Variants in CLDN16 observed in about 807,000 individuals in gnomAD.
CLDN16 encodes claudin-16.
In CLDN16, 13 loss-of-function variants were observed where a neutral mutation model predicts 24.6. That is an observed-to-expected ratio of 0.53 (90% confidence interval 0.34 to 0.84). CLDN16 has a LOEUF of 0.84. Ranked by LOEUF, CLDN16 falls within the 40% of genes least tolerant of loss-of-function variation. The probability of loss-of-function intolerance (pLI) is 0.01; values close to 1 mark genes in which losing one functional copy is unlikely to be tolerated. For missense variants in CLDN16, 298 were observed against 292.7 expected (o/e 1.02, Z -0.13); for synonymous variants, 116 against 106.7 (o/e 1.09, Z -0.54).
intron 1 of CLDN16, 35 bp downstream of exon 1, chr3:190,388,478 C>A (rs756139771): frequency 3.1e-6 from 5 of 1,598,984 alleles, no homozygotes. Flanking sequence ...ATGATCCAGG[C>A]CAGCCCAAAT....
chr3:190,379,173 A>G (rs1718306444), intron 3 of CLDN16, among the ~76,000 whole-genome samples: 1 of 152,048 alleles, frequency 6.6e-6, no homozygotes, highest in South Asian at 2.1e-4. Flanking sequence ...CTTCATTTCA[A>G]TACAATATAA....
chr3:190,331,445 A>G (rs1215074092), intron 1 of CLDN16, among the ~76,000 whole-genome samples: 1 of 152,166 alleles, frequency 6.6e-6, no homozygotes, highest in Non-Finnish European at 1.5e-5. Context: ...ATTTAGTTAT[A>G]ATCTAGGCCC....
intron 1 of CLDN16, among the ~76,000 whole-genome samples, chr3:190,336,404 C>T (rs1304655790): frequency 6.6e-6 from 1 of 152,200 alleles, no homozygotes; most frequent in Non-Finnish European, 1.5e-5. Flanking sequence ...CTGGTGCATA[C>T]TCGAACATCC....
At chr3:190,306,194 TC>T in the CLDN16 span, 1 of 152,204 alleles carries the variant, frequency 6.6e-6, no homozygotes, top group Non-Finnish European at 1.5e-5. Context: ...TTCAAAAATC[TC>T]CCTTGCTGTT....
chr3:190,385,162 T>C (rs1337574728), upstream of CLDN16, among the ~76,000 whole-genome samples: 4 of 152,290 alleles, frequency 2.6e-5, no homozygotes, highest in African/African-American at 9.6e-5. Context: ...AAATGTGTGC[T>C]GGATGGAATG....
intron 1 of CLDN16, among the ~76,000 whole-genome samples, chr3:190,395,383 A>G (rs1718792015): frequency 6.6e-6 from 1 of 152,078 alleles, no homozygotes; most frequent in Admixed American, 6.5e-5. Flanking sequence ...GATTATGATT[A>G]TTTTAGTCTT....
At chr3:190,322,814 G>T (rs567987321) in intron 1 of CLDN16, among the ~76,000 whole-genome samples, 9 of 152,246 alleles carry the variant, frequency 5.9e-5, no homozygotes, top group Admixed American at 5.2e-4. Context: ...TTATTAAAAG[G>T]CATTTCTACC....
At chr3:190,295,923 G>C in the CLDN16 span, among the ~76,000 whole-genome samples, 1 of 152,134 alleles carries the variant, frequency 6.6e-6, no homozygotes, top group African/African-American at 2.4e-5. Context: ...TCCAGCCTCA[G>C]TTCTGCTCTT....
intron 1 of CLDN16, among the ~76,000 whole-genome samples, chr3:190,350,365 T>TATATATATATATATATATATATATAC (rs1318369050): frequency 6.7e-6 from 1 of 148,614 alleles, no homozygotes; most frequent in Non-Finnish European, 1.5e-5. Context: ...TATATATATA[T>TATATATATATATATATATATATATAC]ACTTTATTAT....
At chr3:190,408,716 A>G (rs147874950) in intron 4 of CLDN16, among the ~76,000 whole-genome samples, 108 of 151,024 alleles carry the variant, frequency 7.2e-4, no homozygotes, top group African/African-American at 2.4e-3. Flanking sequence ...AAAATCCACA[A>G]CTACAAGCAT....
chr3:190,386,357 A>G (rs1485007518), upstream of CLDN16, among the ~76,000 whole-genome samples: 1 of 152,194 alleles, frequency 6.6e-6, no homozygotes, highest in Non-Finnish European at 1.5e-5. Context: ...ACGATCGCTA[A>G]TGTGTACAGT....
At chr3:190,376,920 C>T (rs1366892648) in intron 3 of CLDN16, among the ~76,000 whole-genome samples, 1 of 151,892 alleles carries the variant, frequency 6.6e-6, no homozygotes, top group Non-Finnish European at 1.5e-5. Flanking sequence ...AATAGCAATT[C>T]CCAGGTGACT....
chr3:190,311,664 T>C, the CLDN16 span, among the ~76,000 whole-genome samples: 2 of 150,862 alleles, frequency 1.3e-5, no homozygotes, highest in African/African-American at 4.8e-5. Flanking sequence ...ATACCTAATA[T>C]AGAGAACATA....
chr3:190,316,065 G>A, the CLDN16 span, among the ~76,000 whole-genome samples: 1 of 152,114 alleles, frequency 6.6e-6, no homozygotes, highest in Non-Finnish European at 1.5e-5. Flanking sequence ...TTCTTTCCAA[G>A]GGGCTGGGGA....
chr3:190,358,579 A>C (rs2108639867), intron 1 of CLDN16, among the ~76,000 whole-genome samples: 2 of 152,092 alleles, frequency 1.3e-5, no homozygotes, highest in Middle Eastern at 6.8e-3. Flanking sequence ...GGATGATTGC[A>C]AATTGTGTAG....
the CLDN16 span, chr3:190,310,274 A>G: frequency 3.4e-3 from 5,342 of 1,588,006 alleles, 14 homozygotes; most frequent in Non-Finnish European, 3.7e-3. Flanking sequence ...TCAAAACAAA[A>G]GACTGTTAAT....
the CLDN16 span, among the ~76,000 whole-genome samples, chr3:190,291,581 G>T: frequency 6.6e-6 from 1 of 152,084 alleles, no homozygotes. Flanking sequence ...AATTTGAGAT[G>T]TATTTGGGTA....
At chr3:190,400,897 A>G (rs1254118366) in intron 1 of CLDN16, among the ~76,000 whole-genome samples, 1 of 152,092 alleles carries the variant, frequency 6.6e-6, no homozygotes, top group Non-Finnish European at 1.5e-5. Flanking sequence ...ACACCCACAC[A>G]CTGCTGTGTT....
upstream of CLDN16, among the ~76,000 whole-genome samples, chr3:190,320,934 C>T (rs1181308728): frequency 3.3e-5 from 5 of 151,758 alleles, no homozygotes; most frequent in Non-Finnish European, 5.9e-5. Flanking sequence ...AATGACTTTT[C>T]GGACAAGGAA....
Sources: gnomAD v4.1 joint callset for allele counts (sites outside exome capture counted in the v4.1 genomes callset) on GRCh38, gnomAD v4.1.1 for gene constraint, MANE v1.5 for transcripts, NCBI Gene and HGNC (gene_info 2026-07-23, HGNC 2026-07-21) for gene names.